Variants in SLC12A1 observed in about 807,000 individuals in gnomAD.
SLC12A1 encodes Na-K-2Cl cotransporter.
SLC12A1 carries 89 observed loss-of-function variants against 130.4 expected under a neutral mutation model. The observed-to-expected ratio is 0.68, with a 90% confidence interval of 0.58 to 0.81. SLC12A1 has a LOEUF of 0.81. SLC12A1 is among the 40% of genes least tolerant of loss of function. The probability of loss-of-function intolerance (pLI) is 0.00; values close to 1 mark genes in which losing one functional copy is unlikely to be tolerated. For synonymous variants in SLC12A1, 499 were observed against 460.0 expected (o/e 1.08, Z -1.09); for missense variants, 1,310 against 1,336.4 (o/e 0.98, Z 0.31).
chr15:48,242,023 A>G (rs929271576), intron 10 of SLC12A1, among the ~76,000 whole-genome samples: 3 of 152,220 alleles, frequency 2.0e-5, no homozygotes, highest in African/African-American at 7.2e-5. Context: ...AAGATGTGGA[A>G]TTTGTGACTG....
Position 48,207,743 on chromosome 15 carries a change from T to C in SLC12A1, c.24T>C (p.Asn8=). 1 of 1,589,728 alleles carries C rather than the reference T, an allele frequency of 6.3e-7. No homozygotes were observed. Among genetic ancestry groups the C allele is most frequent in the Middle Eastern group, 1.7e-4 (1 of 5,924 alleles). ...AGATGTCACTGAACAACTCTTCCAA[T>C]GTATTTCTGGATTCAGTGCCCAGTA... MSLNNSS[N]VFLDSVPSNT... Residue 8 remains asparagine, a synonymous_variant, in exon 2 of 27, where the codon AAT becomes AAC. Coordinates refer to ENST00000380993, the MANE Select transcript of SLC12A1 (RefSeq NM_000338.3).
intron 19 of SLC12A1, among the ~76,000 whole-genome samples, chr15:48,273,672 G>A (rs1818197017): frequency 1.3e-5 from 2 of 152,158 alleles, no homozygotes; most frequent in South Asian, 4.1e-4. Flanking sequence ...ATTACTTATG[G>A]TTTGGATTTT....
At chr15:48,246,823 G>C in intron 11 of SLC12A1, 86 bp from the exon 12 acceptor site, 1 of 866,872 alleles carries the variant, frequency 1.2e-6, no homozygotes, top group South Asian at 1.3e-5. Flanking sequence ...ATGAAGCAGG[G>C]GGAAAAAATG....
At chr15:48,278,848 T>G (rs1191951417) in intron 20 of SLC12A1, among the ~76,000 whole-genome samples, 3 of 152,204 alleles carry the variant, frequency 2.0e-5, no homozygotes, top group African/African-American at 7.2e-5. Flanking sequence ...TTGTTCCATC[T>G]GCCAAGATGC....
chr15:48,291,885 G>C (rs1173539065), intron 24 of SLC12A1, 21 bp downstream of exon 24: 1 of 1,391,660 alleles, frequency 7.2e-7, no homozygotes, highest in South Asian at 1.2e-5. Context: ...TTTAACAAGA[G>C]ACATTGATTA....
chr15:48,288,261 T>A lies in SLC12A1; in HGVS notation c.2761+87T>A, dbSNP rs2042080794. On this transcript the variant is annotated intron_variant, in intron 22 of 26. Coordinates refer to ENST00000380993, the MANE Select transcript of SLC12A1 (RefSeq NM_000338.3). Reference sequence around the variant, plus strand: ...ATGAGAAGGTATATGGGAACAATACTGGTTAAAGAATAACATTTCTGTGTT... The same window carrying A: ...ATGAGAAGGTATATGGGAACAATACAGGTTAAAGAATAACATTTCTGTGTT... 11 of 1,318,034 alleles carry A rather than the reference T, an allele frequency of 8.3e-6. No individual in the cohort carries two copies. In the South Asian group the frequency reaches 1.4e-4, roughly 16 times the overall value. 81.6% of individuals were successfully genotyped at this position (1,318,034 alleles called of 1,614,324 possible).
chr15:48,268,624 T>C (rs1324175320), intron 18 of SLC12A1, among the ~76,000 whole-genome samples: 2 of 152,176 alleles, frequency 1.3e-5, no homozygotes, highest in African/African-American at 4.8e-5. Context: ...TTAAGAACAC[T>C]TGCGAAGTAG....
chr15:48,275,413 G>A (rs537451112), intron 20 of SLC12A1, among the ~76,000 whole-genome samples: 83 of 152,216 alleles, frequency 5.5e-4, no homozygotes, highest in African/African-American at 1.6e-3. Context: ...AAATTCTGTC[G>A]TGCCCTCAAG....
At position 48,247,406 on chromosome 15, in the gene SLC12A1, C is replaced by A; in HGVS notation, c.1630C>A (p.Pro544Thr). Residue 544 changes from proline to threonine, a missense_variant, in exon 13 of 27, where the codon CCC (proline) becomes ACC (threonine). By Grantham distance (38) the Pro-to-Thr change is conservative. Transcript: ENST00000380993. ...AAAGGGATATGGGAAAAACAATGAACCCCTGAGAGGATATATTCTCACTTT... is the reference window on the plus strand; with the variant it reads ...AAAGGGATATGGGAAAAACAATGAAACCCTGAGAGGATATATTCTCACTTT... Reference protein sequence around the residue: ...FAKGYGKNNEPLRGYILTFLI... With the variant: ...FAKGYGKNNETLRGYILTFLI... 2.5e-6 allele frequency: 4 copies of A among 1,610,200 alleles called. No individual in the cohort carries two copies. The highest frequency in any genetic ancestry group is 3.4e-6 in the Non-Finnish European group (4 of 1,176,554).
rs1225823140 is a variant in SLC12A1, at chr15:48,247,015, A to G, written c.1559A>G (p.Gln520Arg). ...CTTGTCAGCGCACCCAAAGTGTTCCAGGTAATACAAGCACAACAGCTTGTG... is the reference window on the plus strand; with the variant it reads ...CTTGTCAGCGCACCCAAAGTGTTCCGGGTAATACAAGCACAACAGCTTGTG... ...ASLVSAPKVF[Q>R]ALCKDNIYKA... Residue 520 changes from glutamine to arginine, a missense_variant and splice_region_variant, in exon 12 of 27, where the codon CAG becomes CGG. By Grantham distance (43) the Gln-to-Arg change is conservative. Transcript: ENST00000380993. 6.2e-7 allele frequency: 1 copy of G among 1,606,842 alleles called. No individual in the cohort carries two copies. Among genetic ancestry groups the G allele is most frequent in the African/African-American group, 1.3e-5 (1 of 74,906 alleles).
In SLC12A1 at chr15:48,219,805, C is replaced by A. The variant is rs572284666; in HGVS notation, c.421-829C>A. On this transcript the variant is annotated intron_variant, in intron 2 of 26. Coordinates refer to ENST00000380993, the MANE Select transcript of SLC12A1 (RefSeq NM_000338.3). ...CGGTGGCTCACACCTCTAATCCTAG[C>A]ACTTTGGGAGGCCGAGGCAGGCGGA... Among the ~76,000 whole-genome samples, 25 of 152,030 alleles carry A rather than the reference C, an allele frequency of 1.6e-4. No individual in the cohort carries two copies. In the East Asian group the frequency reaches 4.6e-3, roughly 28 times the overall value.
At chr15:48,302,679 G>C in intron 26 of SLC12A1, 71 bp from the exon 27 acceptor site, 1 of 835,910 alleles carries the variant, frequency 1.2e-6, no homozygotes. Flanking sequence ...AAATAGCTCA[G>C]AAATACTAGT....
intron 15 of SLC12A1, among the ~76,000 whole-genome samples, chr15:48,252,252 A>T (rs2041657192): frequency 6.6e-6 from 1 of 152,170 alleles, no homozygotes; most frequent in East Asian, 1.9e-4. Context: ...CTTGTTGAGC[A>T]CCTATTATAT....
At chr15:48,233,413 C>T (rs748713689) in intron 8 of SLC12A1, among the ~76,000 whole-genome samples, 2 of 152,212 alleles carry the variant, frequency 1.3e-5, no homozygotes, top group African/African-American at 2.4e-5. Flanking sequence ...TAAAGTCAAA[C>T]ATAGTCATTT....
chr15:48,257,744 C>G (rs142316064), intron 16 of SLC12A1, among the ~76,000 whole-genome samples: 122 of 152,304 alleles, frequency 8.0e-4, no homozygotes, highest in African/African-American at 2.9e-3. Context: ...ATATTTCCCT[C>G]CTGGGCCTCC....
In SLC12A1 at chr15:48,232,811, A is replaced by T; in HGVS notation, c.1060A>T (p.Lys354Ter). ...GTVIPSNNEK[K>*]SRGFFNYQAS... ...TGTCATTCCATCCAACAATGAGAAA[A>T]AGTCCAGAGGTTTCTTTAATTACCA... The change falls in exon 8 of 27, where the codon AAG (lysine) becomes TAG (stop). Residue 354 changes from lysine to a stop codon, truncating the protein, a stop_gained. Coordinates refer to ENST00000380993, the MANE Select transcript of SLC12A1 (RefSeq NM_000338.3). LOFTEE classifies it high-confidence loss of function. 6.2e-7 allele frequency: 1 copy of T among 1,611,086 alleles called. No homozygotes were observed. Among genetic ancestry groups the T allele is most frequent in the East Asian group, 2.2e-5 (1 of 44,874 alleles).
intron 22 of SLC12A1, 94 bp downstream of exon 22, chr15:48,288,268 A>G: frequency 7.8e-7 from 1 of 1,288,088 alleles, no homozygotes. Context: ...TACTGGTTAA[A>G]GAATAACATT....
At chr15:48,234,405 G>T (rs1030888753) in intron 8 of SLC12A1, among the ~76,000 whole-genome samples, 2 of 152,156 alleles carry the variant, frequency 1.3e-5, no homozygotes, top group African/African-American at 2.4e-5. Context: ...TTAACATAAA[G>T]CTCCTCAGGA....
chr15:48,247,835 T>C (rs912236160), intron 13 of SLC12A1, among the ~76,000 whole-genome samples: 1 of 152,198 alleles, frequency 6.6e-6, no homozygotes, highest in Non-Finnish European at 1.5e-5. Context: ...CCACTGACCA[T>C]CTATATCGCA....
Sources: gnomAD v4.1 joint callset for allele counts (sites outside exome capture counted in the v4.1 genomes callset) on GRCh38, gnomAD v4.1.1 for gene constraint, MANE v1.5 for transcripts, NCBI Gene and HGNC (gene_info 2026-07-23, HGNC 2026-07-21) for gene names.